The following C13orf46 variants were observed in gnomAD, a reference collection of about 807,000 sequenced individuals.
C13orf46 encodes the protein uncharacterized protein C13orf46.
intron 5 of C13orf46, among the ~76,000 whole-genome samples, chr13:113,967,034 C>T (rs1461183610): frequency 3.9e-5 from 6 of 152,312 alleles, no homozygotes; most frequent in South Asian, 2.1e-4. Context: ...ACCATCCCAA[C>T]GTGATCCCCC....
At chr13:113,943,686 C>T in the C13orf46 span, among the ~76,000 whole-genome samples, 972 of 152,310 alleles carry the variant, frequency 6.4e-3, 3 homozygotes, top group Admixed American at 0.012. Context: ...AGGACGAGGT[C>T]CACTCAGATG....
intron 5 of C13orf46, among the ~76,000 whole-genome samples, chr13:113,966,122 G>A (rs2052643288): frequency 2.5e-5 from 3 of 119,934 alleles, no homozygotes; most frequent in Admixed American, 8.4e-5. Context: ...TGGTGATGAT[G>A]GTGATTATAA....
intron 1 of C13orf46, among the ~76,000 whole-genome samples, chr13:113,972,427 A>G (rs879321361): frequency 5.3e-5 from 8 of 152,192 alleles, no homozygotes; most frequent in Non-Finnish European, 1.0e-4. Context: ...CCCGAGTCCT[A>G]CCGGGCTGTC....
the C13orf46 span, among the ~76,000 whole-genome samples, chr13:113,935,507 C>T: frequency 6.6e-6 from 1 of 152,256 alleles, no homozygotes; most frequent in Admixed American, 6.5e-5. Flanking sequence ...TTCTACCAAC[C>T]CTGGCTTTTG....
chr13:113,966,002 T>A (rs1241227788), intron 5 of C13orf46, among the ~76,000 whole-genome samples: 1 of 150,064 alleles, frequency 6.7e-6, no homozygotes, highest in Non-Finnish European at 1.5e-5. Context: ...ATAGTGGTGA[T>A]GATGATGATG....
intron 6 of C13orf46, 149 bp from the exon 7 acceptor site, chr13:113,956,988 TG>T (rs1182501390): frequency 3.3e-5 from 5 of 152,272 alleles, no homozygotes; most frequent in Non-Finnish European, 7.3e-5. Flanking sequence ...TCAAGTGCAC[TG>T]GGGAGTCTCC....
chr13:113,972,488 G>A (rs1039343437), intron 1 of C13orf46, among the ~76,000 whole-genome samples: 3 of 152,166 alleles, frequency 2.0e-5, no homozygotes, highest in Admixed American at 6.5e-5. Context: ...CGGAGCTGCC[G>A]AGGCCGCGGG....
the C13orf46 span, among the ~76,000 whole-genome samples, chr13:113,937,836 T>C: frequency 6.6e-6 from 1 of 152,222 alleles, no homozygotes; most frequent in African/African-American, 2.4e-5. Flanking sequence ...TGGTCACTCA[T>C]GCCTGAGTCT....
chr13:113,939,035 A>G, the C13orf46 span, among the ~76,000 whole-genome samples: 1 of 151,952 alleles, frequency 6.6e-6, no homozygotes, highest in Non-Finnish European at 1.5e-5. Context: ...CCAAGCTGGC[A>G]TTCCAGACCC....
In C13orf46 at chr13:113,965,971, TTGG is replaced by T. The variant is rs1438614012; in HGVS notation, c.505-980_505-978del. Among the ~76,000 whole-genome samples, 2 of 144,392 alleles carry T rather than the reference TTGG, an allele frequency of 1.4e-5. 1 individual carries two copies. The highest frequency in any genetic ancestry group is 3.0e-5 in the Non-Finnish European group (2 of 65,898). The allele number at this position is 144,392 out of a possible 152,430, so 94.7% of individuals were successfully genotyped here. ...GATGATGGTGATGGTGATTATAATG[TTGG>T]TGATGATGGTGACAGTGATAGTGGT... On this transcript the variant is annotated intron_variant, in intron 5 of 6. Transcript: ENST00000636427.
the C13orf46 span, among the ~76,000 whole-genome samples, chr13:113,938,259 GC>G: frequency 6.6e-6 from 1 of 152,148 alleles, no homozygotes; most frequent in Non-Finnish European, 1.5e-5. Flanking sequence ...GTTCCTATCT[GC>G]TGCTTTAACA....
chr13:113,931,264 A>G, the C13orf46 span, among the ~76,000 whole-genome samples: 17 of 152,334 alleles, frequency 1.1e-4, no homozygotes, highest in African/African-American at 4.1e-4. Context: ...AACAGCGTGC[A>G]GTCTTTTTGC....
chr13:113,940,011 G>C, the C13orf46 span, among the ~76,000 whole-genome samples: 1 of 152,220 alleles, frequency 6.6e-6, no homozygotes, highest in Non-Finnish European at 1.5e-5. Context: ...AGGGGGACCA[G>C]GATGCCCGGG....
downstream of C13orf46, chr13:113,953,594 C>T (rs1483651274): frequency 1.3e-5 from 2 of 152,310 alleles, no homozygotes; most frequent in Non-Finnish European, 2.9e-5. Context: ...AAGCCACTGC[C>T]AAGCTCCTGT....
chr13:113,929,955 G>C, the C13orf46 span, among the ~76,000 whole-genome samples: 1 of 152,248 alleles, frequency 6.6e-6, no homozygotes, highest in Non-Finnish European at 1.5e-5. Flanking sequence ...TTCTTGCCAG[G>C]CCTGGGAGCA....
chr13:113,952,653 T>C (rs902435778), downstream of C13orf46, among the ~76,000 whole-genome samples: 85 of 152,316 alleles, frequency 5.6e-4, no homozygotes, highest in African/African-American at 1.9e-3. Context: ...AGGCGGCATC[T>C]GTGCCCCATA....
chr13:113,957,762 G>A (rs36133355), intron 6 of C13orf46, among the ~76,000 whole-genome samples: 35,036 of 108,284 alleles, frequency 0.32, 6,195 homozygotes, highest in East Asian at 0.47. Flanking sequence ...TTCATCAAGC[G>A]CACTGGGAGT....
At chr13:113,960,756 T>C (rs1025421418) in intron 6 of C13orf46, among the ~76,000 whole-genome samples, 1 of 152,232 alleles carries the variant, frequency 6.6e-6, no homozygotes, top group Admixed American at 6.5e-5. Context: ...TGTAATCAAG[T>C]GCACACCCAC....
chr13:113,960,680 T>C (rs1000962501), intron 6 of C13orf46, among the ~76,000 whole-genome samples: 81 of 152,232 alleles, frequency 5.3e-4, no homozygotes, highest in Non-Finnish European at 2.4e-4. Flanking sequence ...AGGCAACTTC[T>C]CATGCTGTTA....
Sources: gnomAD v4.1 joint callset for allele counts (sites outside exome capture counted in the v4.1 genomes callset) on GRCh38, gnomAD v4.1.1 for gene constraint, MANE v1.5 for transcripts, NCBI Gene and HGNC (gene_info 2026-07-23, HGNC 2026-07-21) for gene names.